The following SH3D19 variants were observed in gnomAD, a reference collection of about 807,000 sequenced individuals.
The protein encoded by SH3D19 is SH3 domain containing 19, also known as SH3 domain-containing protein 19.
Under a neutral mutation model 112.1 loss-of-function variants are expected in SH3D19, and 58 were observed. That is an observed-to-expected ratio of 0.52 (90% confidence interval 0.42 to 0.64). The LOEUF is 0.64. Ranked by LOEUF, SH3D19 falls within the 30% of genes least tolerant of loss-of-function variation. SH3D19 has a pLI of 0.00. For synonymous variants in SH3D19, 391 were observed against 448.5 expected, an observed-to-expected ratio of 0.87 and a Z score of 1.62; for missense variants, 1,090 against 1,263.4, an observed-to-expected ratio of 0.86 and a Z score of 2.08.
intron 1 of SH3D19, among the ~76,000 whole-genome samples, chr4:151,307,042 G>A (rs1223969832): frequency 1.2e-4 from 16 of 136,322 alleles, no homozygotes; most frequent in Non-Finnish European, 2.5e-4. Context: ...TTTTTGAGAC[G>A]GAGTCTCGCT....
At chr4:151,150,206 A>AAAAAAAAAAAAT (rs1273707426) in intron 9 of SH3D19, among the ~76,000 whole-genome samples, 8 of 46,172 alleles carry the variant, frequency 1.7e-4, no homozygotes, top group Non-Finnish European at 3.4e-4. Context: ...AAAAAAAAAA[A>AAAAAAAAAAAAT]ATATATATAT....
At chr4:151,197,848 A>G (rs1288718518) in intron 2 of SH3D19, among the ~76,000 whole-genome samples, 3 of 152,228 alleles carry the variant, frequency 2.0e-5, no homozygotes, top group South Asian at 2.1e-4. Context: ...TGACATTTCT[A>G]AAAACCTAGA....
chr4:151,139,968 AC>A, intron 12 of SH3D19, 121 bp from the exon 13 acceptor site: 1 of 722,920 alleles, frequency 1.4e-6, no homozygotes, highest in Non-Finnish European at 2.4e-6. Flanking sequence ...CATTATGAGT[AC>A]ATGATGCAAA....
At chr4:151,151,654 T>C (rs1466567160) in intron 9 of SH3D19, among the ~76,000 whole-genome samples, 1 of 152,216 alleles carries the variant, frequency 6.6e-6, no homozygotes, top group Non-Finnish European at 1.5e-5. Context: ...CACTAATGAG[T>C]TCAGTTAATG....
At chr4:151,254,335 T>C (rs550759097) in intron 1 of SH3D19, among the ~76,000 whole-genome samples, 10 of 151,712 alleles carry the variant, frequency 6.6e-5, no homozygotes, top group Non-Finnish European at 1.5e-4. Flanking sequence ...AATTTATTTA[T>C]TTTTTATTGA....
intron 2 of SH3D19, among the ~76,000 whole-genome samples, chr4:151,221,299 C>G (rs146462695): frequency 3.3e-5 from 5 of 151,194 alleles, no homozygotes; most frequent in African/African-American, 1.2e-4. Flanking sequence ...TGAGGAGAAC[C>G]GAAAAACATA....
intron 3 of SH3D19, among the ~76,000 whole-genome samples, chr4:151,180,908 T>A (rs1478970191): frequency 1.4e-4 from 21 of 146,968 alleles, no homozygotes; most frequent in African/African-American, 5.0e-4. Flanking sequence ...GGAGTACAGG[T>A]GCCTGCCACC....
chr4:151,221,170 A>T (rs1026209267), intron 2 of SH3D19, among the ~76,000 whole-genome samples: 1 of 152,206 alleles, frequency 6.6e-6, no homozygotes, highest in African/African-American at 2.4e-5. Context: ...TCCCAGATTT[A>T]TTCACCTCTT....
chr4:151,256,694 G>GTTTTTT (rs70941490), intron 1 of SH3D19, among the ~76,000 whole-genome samples: 1 of 134,294 alleles, frequency 7.4e-6, no homozygotes, highest in Non-Finnish European at 1.6e-5. Flanking sequence ...TTGTTTTGTT[G>GTTTTTT]TTTTTTTTTT....
At position 151,200,722 on chromosome 4, in the gene SH3D19, G is replaced by A. The variant is rs1253062820; in HGVS notation, c.153-13259C>T. 2.9e-4 allele frequency among the ~76,000 whole-genome samples: 44 copies of A among 152,112 alleles called. 1 individual carries two copies. The highest frequency in any genetic ancestry group is 2.1e-4 in the South Asian group (1 of 4,828). On this transcript the variant is annotated intron_variant, in intron 2 of 19. Transcript: ENST00000604030. ...GTTATATGTGGAGCTGTTACATTAC[G>A]ACAAGAACAAAAAAACTGAGGAAAC...
intron 3 of SH3D19, among the ~76,000 whole-genome samples, chr4:151,184,081 A>C (rs990359544): frequency 2.0e-5 from 3 of 152,210 alleles, no homozygotes; most frequent in African/African-American, 7.2e-5. Flanking sequence ...GAAGAACATA[A>C]AATTCTAGAT....
At chr4:151,300,393 T>A (rs1305799896) in intron 1 of SH3D19, 1 of 152,086 alleles carries the variant, frequency 6.6e-6, no homozygotes, top group East Asian at 1.9e-4. Flanking sequence ...ACTGAGTTCA[T>A]AAAATATGCT....
chr4:151,300,219 A>G (rs1189567031), intron 1 of SH3D19, among the ~76,000 whole-genome samples: 2 of 151,962 alleles, frequency 1.3e-5, no homozygotes, highest in East Asian at 1.9e-4. Context: ...AAAAATGTCA[A>G]CCTAGCTTTC....
At chr4:151,130,426 T>G (rs778080875) in intron 17 of SH3D19, among the ~76,000 whole-genome samples, 2 of 151,208 alleles carry the variant, frequency 1.3e-5, no homozygotes, top group Admixed American at 6.6e-5. Flanking sequence ...CAGAGTGAGA[T>G]CCTGTCTCAA....
intron 9 of SH3D19, among the ~76,000 whole-genome samples, chr4:151,153,926 G>C (rs192100369): frequency 6.7e-6 from 1 of 149,192 alleles, no homozygotes; most frequent in Admixed American, 6.8e-5. Context: ...AGTTGCTTCC[G>C]GACTGCTTAG....
At position 151,187,336 on chromosome 4, in the gene SH3D19, C is replaced by G. The variant is rs182246801; in HGVS notation, c.193+87G>C. 4.7e-4 allele frequency: 372 copies of G among 797,236 alleles called. 4 individuals are homozygous for G. In the East Asian group the frequency reaches 9.3e-3, roughly 20 times the overall value. 49.4% of individuals were successfully genotyped at this position (797,236 alleles called of 1,614,324 possible). Reference sequence around the variant, plus strand: ...GCTACTCTTGGGTTCTTTGTAGATTCGTCAAATACAATCACCTGCTGGAAA... The same window carrying G: ...GCTACTCTTGGGTTCTTTGTAGATTGGTCAAATACAATCACCTGCTGGAAA... On this transcript the variant is annotated intron_variant, in intron 3 of 19. Transcript: ENST00000604030.
At chr4:151,248,001 G>A (rs1404204993) in intron 1 of SH3D19, among the ~76,000 whole-genome samples, 1 of 152,194 alleles carries the variant, frequency 6.6e-6, no homozygotes, top group Non-Finnish European at 1.5e-5. Flanking sequence ...GCAATAGGAA[G>A]CTAATATCAA....
intron 13 of SH3D19, among the ~76,000 whole-genome samples, chr4:151,139,009 A>G (rs1250555069): frequency 2.0e-5 from 3 of 151,806 alleles, no homozygotes; most frequent in African/African-American, 4.8e-5. Flanking sequence ...TTGTATTTAT[A>G]GAGACGGGGT....
chr4:151,314,187 T>C (rs1729771195), intron 1 of SH3D19, among the ~76,000 whole-genome samples: 1 of 152,222 alleles, frequency 6.6e-6, no homozygotes, highest in Non-Finnish European at 1.5e-5. Context: ...ATGCAATTGT[T>C]AATCTACTCA....
Sources: gnomAD v4.1 joint callset for allele counts (sites outside exome capture counted in the v4.1 genomes callset) on GRCh38, gnomAD v4.1.1 for gene constraint, MANE v1.5 for transcripts, NCBI Gene and HGNC (gene_info 2026-07-23, HGNC 2026-07-21) for gene names.